The following STX12 variants were observed in gnomAD, a reference collection of about 807,000 sequenced individuals.
STX12 encodes the protein syntaxin-12.
Under a neutral mutation model 42.2 loss-of-function variants are expected in STX12, and 17 were observed. The ratio of observed to expected loss-of-function variants is 0.40; its 90% confidence interval spans 0.28 to 0.60. The LOEUF (loss-of-function observed/expected upper bound fraction) is 0.60, where lower values mean the gene tolerates loss of function less well. Among genes scored for constraint, STX12 ranks in the 20% least tolerant of loss-of-function variants. The pLI is 0.39. For synonymous variants in STX12, 108 were observed against 116.7 expected, an observed-to-expected ratio of 0.93 and a Z score of 0.48; for missense variants, 297 against 330.9, an observed-to-expected ratio of 0.90 and a Z score of 0.79.
chr1:27,819,950 C>T, intron 8 of STX12: 2 of 467,888 alleles, frequency 4.3e-6, no homozygotes, highest in South Asian at 4.6e-5. Flanking sequence ...AGGCTAGTAA[C>T]TGCAAAGCTA....
chr1:27,793,381 G>A, intron 2 of STX12, 152 bp from the exon 3 acceptor site: 1 of 612,318 alleles, frequency 1.6e-6, no homozygotes, highest in Non-Finnish European at 2.9e-6. Context: ...TAATATTTCT[G>A]GAATTTTGTT....
intron 1 of STX12, among the ~76,000 whole-genome samples, chr1:27,780,607 T>C (rs1242071768): frequency 6.6e-6 from 1 of 152,118 alleles, no homozygotes; most frequent in African/African-American, 2.4e-5. Context: ...GAGCAGGTTA[T>C]TTTCCCTGCC....
chr1:27,774,033 C>CA (rs1193217564), intron 1 of STX12: 1 of 152,218 alleles, frequency 6.6e-6, no homozygotes, highest in Non-Finnish European at 1.5e-5. Flanking sequence ...AGAGAATTCA[C>CA]CAACAGCATT....
rs919181148 is a variant in STX12, at chr1:27,804,294, C to T, written c.426+2479C>T. Among the ~76,000 whole-genome samples the T allele has an allele frequency of 5.9e-5, 9 of 151,708 alleles. 1 individual carries two copies. The South Asian group carries it at 1.2e-3, about 21-fold the overall frequency. On this transcript the variant is annotated intron_variant, in intron 4 of 8. Coordinates refer to ENST00000373943, the MANE Select transcript of STX12 (RefSeq NM_177424.3). Reference sequence around the variant, plus strand: ...ATACAAAATTAGCCGCGCATGGTGGCGCATGCCTGTAATCCCAGCTACTTG... The same window carrying T: ...ATACAAAATTAGCCGCGCATGGTGGTGCATGCCTGTAATCCCAGCTACTTG...
intron 1 of STX12, among the ~76,000 whole-genome samples, chr1:27,775,555 AATC>A (rs1421724846): frequency 6.6e-6 from 1 of 152,218 alleles, no homozygotes; most frequent in Non-Finnish European, 1.5e-5. Context: ...TACAGGCATG[AATC>A]ATCATGCCTG....
chr1:27,799,321 G>A (rs145661792), intron 3 of STX12, among the ~76,000 whole-genome samples: 3 of 152,168 alleles, frequency 2.0e-5, no homozygotes, highest in East Asian at 3.9e-4. Context: ...TGTTTGACTT[G>A]TTTCTTTTTT....
chr1:27,816,374 T>C (rs1023813614), intron 6 of STX12, among the ~76,000 whole-genome samples: 6 of 151,198 alleles, frequency 4.0e-5, no homozygotes, highest in African/African-American at 7.3e-5. Flanking sequence ...CTGGGGAGGA[T>C]GAGGCAGGAG....
chr1:27,803,159 T>C (rs1028309386), intron 4 of STX12, among the ~76,000 whole-genome samples: 2 of 152,136 alleles, frequency 1.3e-5, no homozygotes, highest in Non-Finnish European at 2.9e-5. Context: ...GAGGTGATAT[T>C]TGAAGAAATA....
rs1305126750 is a variant in STX12, at chr1:27,812,280, G to A, written c.576+12G>A. ...TTCGGCAGCTGGAGGTGAGAGCCAC[G>A]TCATGTTTTTTGTTTGACTCAGTGT... On this transcript the variant is annotated intron_variant, in intron 6 of 8. Coordinates refer to ENST00000373943, the MANE Select transcript of STX12 (RefSeq NM_177424.3). 3.2e-6 allele frequency: 5 copies of A among 1,549,262 alleles called. No individual in the cohort carries two copies. The highest frequency in any genetic ancestry group is 4.4e-6 in the Non-Finnish European group (5 of 1,145,368).
At chr1:27,790,692 A>C (rs1389934423) in intron 2 of STX12, among the ~76,000 whole-genome samples, 2 of 152,230 alleles carry the variant, frequency 1.3e-5, no homozygotes, top group Non-Finnish European at 2.9e-5. Context: ...CTGTAATCCC[A>C]GCACTTTGGG....
chr1:27,776,675 C>A (rs915572617), intron 1 of STX12, among the ~76,000 whole-genome samples: 3 of 152,164 alleles, frequency 2.0e-5, no homozygotes, highest in Non-Finnish European at 2.9e-5. Flanking sequence ...TGTGATTATG[C>A]CACTGTACTG....
At chr1:27,805,957 A>G (rs1373757334) in intron 4 of STX12, among the ~76,000 whole-genome samples, 3 of 152,216 alleles carry the variant, frequency 2.0e-5, no homozygotes, top group Admixed American at 6.5e-5. Flanking sequence ...CTGTTGGTCT[A>G]TATTATACTT....
At chr1:27,800,153 A>C (rs535879832) in intron 3 of STX12, among the ~76,000 whole-genome samples, 6 of 152,324 alleles carry the variant, frequency 3.9e-5, no homozygotes, top group Admixed American at 1.3e-4. Context: ...TTCCAACCAA[A>C]CAGTCTGTCT....
At position 27,789,646 on chromosome 1, in the gene STX12, G is replaced by C. The variant is rs781465756; in HGVS notation, c.188+15G>C. ...CAGGAAAATCTGTGAGTAACTTCCT[G>C]ACAAGGTTGGGTTTTGTGAGGGCCA... On this transcript the variant is annotated intron_variant, in intron 2 of 8. Coordinates refer to ENST00000373943, the MANE Select transcript of STX12 (RefSeq NM_177424.3). 13 of 1,609,842 alleles carry C rather than the reference G, an allele frequency of 8.1e-6. No individual in the cohort carries two copies. The highest frequency in any genetic ancestry group is 1.1e-5 in the Non-Finnish European group (13 of 1,176,884).
chr1:27,801,914 G>C (rs1571526565), intron 4 of STX12, 99 bp downstream of exon 4: 1 of 1,433,438 alleles, frequency 7.0e-7, no homozygotes, highest in East Asian at 2.6e-5. Flanking sequence ...AAACATGTAA[G>C]TTAGCTGCTG....
chr1:27,809,140 C>T (rs1361315558), intron 4 of STX12, among the ~76,000 whole-genome samples: 1 of 151,998 alleles, frequency 6.6e-6, no homozygotes, highest in East Asian at 1.9e-4. Context: ...TTGAGAGCAG[C>T]CTGGCCAATA....
At chr1:27,818,297 C>G (rs780144818) in intron 7 of STX12, among the ~76,000 whole-genome samples, 2 of 151,936 alleles carry the variant, frequency 1.3e-5, no homozygotes. Context: ...AGGAGAATCC[C>G]TTGAACCCAG....
chr1:27,801,893 C>A, intron 4 of STX12, 78 bp downstream of exon 4: 1 of 1,517,168 alleles, frequency 6.6e-7, no homozygotes, highest in East Asian at 2.5e-5. Context: ...TTCTTTTTCT[C>A]TTTGACCAAT....
intron 4 of STX12, among the ~76,000 whole-genome samples, chr1:27,807,430 G>A (rs1480944264): frequency 6.6e-6 from 1 of 152,032 alleles, no homozygotes; most frequent in Non-Finnish European, 1.5e-5. Context: ...ATTATTTTGA[G>A]TAATGGTCAA....
Sources: gnomAD v4.1 joint callset for allele counts (sites outside exome capture counted in the v4.1 genomes callset) on GRCh38, gnomAD v4.1.1 for gene constraint, MANE v1.5 for transcripts, NCBI Gene and HGNC (gene_info 2026-07-23, HGNC 2026-07-21) for gene names.